Variants in RELN observed in about 807,000 individuals in gnomAD.
RELN encodes the protein reelin.
In RELN, 108 loss-of-function variants were observed where a neutral mutation model predicts 427.6. The ratio of observed to expected loss-of-function variants is 0.25; its 90% CI spans 0.22 to 0.30. RELN has a LOEUF of 0.30. Among genes scored for constraint, RELN ranks in the 10% least tolerant of loss-of-function variants. The pLI is 1.00. For missense variants in RELN, 3,715 were observed against 4,302.8 expected, an observed-to-expected ratio of 0.86 and a Z score of 3.82; for synonymous variants, 1,524 against 1,513.4, an observed-to-expected ratio of 1.01 and a Z score of -0.16.
chr7:103,700,842 A>C (rs1392149624), intron 9 of RELN, 68 bp downstream of exon 9: 5 of 939,380 alleles, frequency 5.3e-6, no homozygotes, highest in Non-Finnish European at 8.8e-6. Context: ...TGGTGGATTG[A>C]AGGCATATAG....
At chr7:103,888,670 C>T (rs1464980620) in intron 2 of RELN, among the ~76,000 whole-genome samples, 1 of 152,084 alleles carries the variant, frequency 6.6e-6, no homozygotes, top group Non-Finnish European at 1.5e-5. Context: ...AAAGATACCC[C>T]CATCTCCATC....
chr7:103,791,145 T>G (rs1209452565), intron 3 of RELN, among the ~76,000 whole-genome samples: 2 of 152,196 alleles, frequency 1.3e-5, no homozygotes, highest in African/African-American at 4.8e-5. Context: ...CTTATGTTCA[T>G]GACTTAGAAG....
intron 56 of RELN, 88 bp from the exon 57 acceptor site, chr7:103,495,986 C>A: frequency 7.3e-7 from 1 of 1,368,714 alleles, no homozygotes; most frequent in South Asian, 1.2e-5. Context: ...TTGAACTGAC[C>A]GATTTATTGT....
intron 11 of RELN, among the ~76,000 whole-genome samples, chr7:103,670,092 G>A (rs1003848038): frequency 5.9e-5 from 9 of 152,066 alleles, no homozygotes; most frequent in African/African-American, 1.2e-4. Flanking sequence ...AAAAAATAAT[G>A]TAAAGAGGTG....
chr7:103,550,458 TCA>T (rs1360180687), intron 41 of RELN, among the ~76,000 whole-genome samples: 2 of 152,160 alleles, frequency 1.3e-5, no homozygotes, highest in Admixed American at 1.3e-4. Context: ...ACTTTTATTA[TCA>T]GTTTTGTTTT....
chr7:103,565,058 G>C (rs1250779837), intron 34 of RELN, among the ~76,000 whole-genome samples: 1 of 152,116 alleles, frequency 6.6e-6, no homozygotes, highest in Non-Finnish European at 1.5e-5. Flanking sequence ...CCTTTATGCT[G>C]GCAAAGAACA....
chr7:103,551,654 C>G (rs558533340), intron 40 of RELN, among the ~76,000 whole-genome samples: 1 of 152,058 alleles, frequency 6.6e-6, no homozygotes, highest in Non-Finnish European at 1.5e-5. Context: ...TAACTGTTAG[C>G]TTCCCCCCCA....
intron 1 of RELN, among the ~76,000 whole-genome samples, chr7:103,945,774 AT>A (rs1796208508): frequency 6.6e-6 from 1 of 152,162 alleles, no homozygotes; most frequent in Non-Finnish European, 1.5e-5. Context: ...ATAATACCAT[AT>A]TTTTACGGTA....
At chr7:103,617,594 T>C (rs1832112692) in intron 20 of RELN, among the ~76,000 whole-genome samples, 1 of 150,344 alleles carries the variant, frequency 6.7e-6, no homozygotes, top group Admixed American at 6.6e-5. Flanking sequence ...CTTTCATATA[T>C]ATATATTCCT....
At chr7:103,942,255 C>T (rs1038810399) in intron 1 of RELN, among the ~76,000 whole-genome samples, 1 of 152,096 alleles carries the variant, frequency 6.6e-6, no homozygotes, top group African/African-American at 2.4e-5. Flanking sequence ...TTATTTATCC[C>T]GTCTAACTGG....
intron 8 of RELN, among the ~76,000 whole-genome samples, chr7:103,701,911 A>T (rs1024447707): frequency 6.6e-6 from 1 of 152,212 alleles, no homozygotes; most frequent in Admixed American, 6.5e-5. Flanking sequence ...ATCTGTTGAC[A>T]ATTTTACGTT....
intron 20 of RELN, among the ~76,000 whole-genome samples, chr7:103,622,924 T>C (rs1584353259): frequency 6.6e-6 from 1 of 152,236 alleles, no homozygotes; most frequent in African/African-American, 2.4e-5. Context: ...TTAGTACAAA[T>C]AGTGCTTGTA....
chr7:103,527,875 G>T (rs1829857255), intron 46 of RELN, among the ~76,000 whole-genome samples: 1 of 152,170 alleles, frequency 6.6e-6, no homozygotes, highest in South Asian at 2.1e-4. Context: ...ACCACAATGA[G>T]ATACAACCTC....
intron 3 of RELN, among the ~76,000 whole-genome samples, chr7:103,785,124 T>A (rs1563011942): frequency 6.6e-6 from 1 of 152,182 alleles, no homozygotes; most frequent in African/African-American, 2.4e-5. Context: ...ACAATACGTT[T>A]CATCATTTAA....
chr7:103,782,070 C>A (rs1260480398), intron 3 of RELN, among the ~76,000 whole-genome samples: 1 of 151,988 alleles, frequency 6.6e-6, no homozygotes, highest in Admixed American at 6.6e-5. Context: ...GGCAAACTTG[C>A]CAACAAGAGC....
At chr7:103,538,989 T>C (rs567883546) in intron 45 of RELN, 89 bp downstream of exon 45, 2 of 1,439,364 alleles carry the variant, frequency 1.4e-6, no homozygotes, top group South Asian at 1.2e-5. Context: ...TACAGACCTA[T>C]CAGAGAGGCA....
chr7:103,719,440 C>A (rs971175432), intron 8 of RELN, among the ~76,000 whole-genome samples: 7 of 152,166 alleles, frequency 4.6e-5, no homozygotes, highest in Admixed American at 4.6e-4. Flanking sequence ...TACAACAATG[C>A]CGTTTTCTAG....
At chr7:103,986,048 CA>C (rs1228949539) in intron 1 of RELN, among the ~76,000 whole-genome samples, 2 of 147,916 alleles carry the variant, frequency 1.4e-5, no homozygotes, top group East Asian at 3.9e-4. Flanking sequence ...AGGATTTGTG[CA>C]AAAAAAAAGG....
chr7:103,849,985 C>T (rs56739105), intron 2 of RELN, among the ~76,000 whole-genome samples: 21,426 of 152,148 alleles, frequency 0.14, 1,707 homozygotes, highest in East Asian at 0.29. Context: ...CAACTCCTTC[C>T]TGTACCCAAG....
Sources: gnomAD v4.1 joint callset for allele counts (sites outside exome capture counted in the v4.1 genomes callset) on GRCh38, gnomAD v4.1.1 for gene constraint, MANE v1.5 for transcripts, NCBI Gene and HGNC (gene_info 2026-07-23, HGNC 2026-07-21) for gene names.